Variants in NFATC3 observed in about 807,000 individuals in gnomAD.
NFATC3 encodes the protein nuclear factor of activated T-cells, cytoplasmic 3.
NFATC3 carries 46 observed loss-of-function variants against 98.6 expected under a neutral mutation model. The ratio of observed to expected loss-of-function variants is 0.47; its 90% CI spans 0.37 to 0.60. The LOEUF is 0.60. Among genes scored for constraint, NFATC3 ranks in the 20% least tolerant of loss-of-function variants. The pLI, the probability that NFATC3 is intolerant of heterozygous loss-of-function variation, is 0.00. For missense variants in NFATC3, 1,256 were observed against 1,295.5 expected (o/e 0.97, Z 0.47); for synonymous variants, 512 against 472.2 (o/e 1.08, Z -1.09).
At chr16:68,185,110 C>G (rs2040127674) in intron 8 of NFATC3, among the ~76,000 whole-genome samples, 2 of 152,008 alleles carry the variant, frequency 1.3e-5, no homozygotes, top group African/African-American at 2.4e-5. Flanking sequence ...GCCTCAGCCT[C>G]CCAAGTAGCT....
intron 3 of NFATC3, among the ~76,000 whole-genome samples, chr16:68,135,178 G>T (rs1046890342): frequency 6.6e-6 from 1 of 152,072 alleles, no homozygotes; most frequent in Non-Finnish European, 1.5e-5. Flanking sequence ...CTGAACTGTG[G>T]CCGGGCGCGG....
rs779933179 is a variant in NFATC3, at chr16:68,122,626, G to A, written c.743G>A (p.Ser248Asn). ...RQSPCHSPRS[S>N]VTDENWLSPR... ...TCTCCTTGCCACTCTCCTAGATCCA[G>A]TGTCACTGATGAGAATTGGCTGAGC... Residue 248 changes from serine to asparagine, a missense_variant, in exon 2 of 10, where the codon AGT (serine) becomes AAT (asparagine). This residue lies in a region of NFATC3 where 464 missense variants were observed against 465.7 expected (regional missense o/e 1.00). Transcript: ENST00000346183. 8.1e-6 allele frequency: 13 copies of A among 1,614,132 alleles called. No homozygotes were observed. The South Asian group carries it at 1.4e-4, about 18-fold the overall frequency.
intron 3 of NFATC3, among the ~76,000 whole-genome samples, chr16:68,139,609 A>G (rs1001518997): frequency 6.6e-6 from 1 of 152,236 alleles, no homozygotes; most frequent in Non-Finnish European, 1.5e-5. Flanking sequence ...TCTGAAATAC[A>G]TATTTTTTGA....
intron 6 of NFATC3, among the ~76,000 whole-genome samples, chr16:68,178,312 C>T (rs1374593589): frequency 6.6e-6 from 1 of 152,194 alleles, no homozygotes; most frequent in Non-Finnish European, 1.5e-5. Context: ...AGCATCTTCT[C>T]TTTGAGCTGG....
chr16:68,181,783 C>T (rs2151626333), intron 7 of NFATC3, among the ~76,000 whole-genome samples: 1 of 152,086 alleles, frequency 6.6e-6, no homozygotes, highest in African/African-American at 2.4e-5. Flanking sequence ...AAAAATTAGC[C>T]ATGCGTGGTG....
At chr16:68,105,422 GTATAT>G (rs1169077592) in intron 1 of NFATC3, among the ~76,000 whole-genome samples, 11 of 151,960 alleles carry the variant, frequency 7.2e-5, no homozygotes, top group Admixed American at 6.6e-5. Context: ...TATTAATATG[GTATAT>G]TATATCAGTT....
chr16:68,225,708 A>G (rs1437133214), intron 9 of NFATC3: 1 of 152,250 alleles, frequency 6.6e-6, no homozygotes, highest in Non-Finnish European at 1.5e-5. Flanking sequence ...AAGGCAAGGA[A>G]TGAAATGATG....
rs368147269 is a variant in NFATC3 at position 68,174,521 on chromosome 16, A to G, written c.1915+7A>G. ...TTTCTTGAAAAAGGACAAGGTAAGTAATATATGAGTTGATTGACTTCAAAC... is the reference window on the plus strand; with the variant it reads ...TTTCTTGAAAAAGGACAAGGTAAGTGATATATGAGTTGATTGACTTCAAAC... On this transcript the variant is annotated splice_region_variant and intron_variant, in intron 6 of 9. Coordinates refer to ENST00000346183, the MANE Select transcript of NFATC3 (RefSeq NM_173165.3). The G allele has an allele frequency of 6.3e-7, 1 of 1,582,064 alleles. No homozygotes were observed. Among genetic ancestry groups the G allele is most frequent in the African/African-American group, 1.4e-5 (1 of 73,764 alleles).
chr16:68,217,689 T>A, intron 9 of NFATC3: 2 of 1,231,606 alleles, frequency 1.6e-6, no homozygotes, highest in Non-Finnish European at 2.0e-6. Context: ...CCTTTCAATT[T>A]GTTGTTCCTC....
intron 1 of NFATC3, among the ~76,000 whole-genome samples, chr16:68,092,459 AAAAAAAATAAATAAAT>A (rs2034770361): frequency 6.7e-6 from 1 of 149,222 alleles, no homozygotes; most frequent in Non-Finnish European, 1.5e-5. Flanking sequence ...TCTCAAAAAA[AAAAAAAATAAATAAAT>A]AAAAGGCTGG....
rs183108296 is a variant in NFATC3, at chr16:68,159,093, G to C, written c.1601+1025G>C. On this transcript the variant is annotated intron_variant, in intron 4 of 9. Transcript: ENST00000346183. ...CTAAAATTACAGAAATTAGCCGAGT[G>C]CGGTTGCGCCTGTCTGTAGTCCCAG... 5.3e-5 allele frequency among the ~76,000 whole-genome samples: 8 copies of C among 152,302 alleles called. No individual in the cohort carries two copies. The East Asian group carries it at 1.2e-3, about 22-fold the overall frequency.
At chr16:68,088,275 G>C (rs900850425) in intron 1 of NFATC3, among the ~76,000 whole-genome samples, 7 of 149,460 alleles carry the variant, frequency 4.7e-5, no homozygotes, top group Admixed American at 1.3e-4. Flanking sequence ...ATCTTTTTCA[G>C]TTATATTATC....
intron 9 of NFATC3, among the ~76,000 whole-genome samples, chr16:68,201,679 A>C (rs2040921959): frequency 2.0e-5 from 3 of 151,354 alleles, no homozygotes; most frequent in Non-Finnish European, 4.4e-5. Flanking sequence ...GGCCAGACAC[A>C]GTGGCTCATG....
chr16:68,120,494 G>T (rs554412071), intron 1 of NFATC3, among the ~76,000 whole-genome samples: 1 of 149,662 alleles, frequency 6.7e-6, no homozygotes, highest in South Asian at 2.1e-4. Context: ...CTTGAGAATC[G>T]CCTGAACTTC....
intron 3 of NFATC3, among the ~76,000 whole-genome samples, chr16:68,155,502 T>A (rs2038560774): frequency 6.6e-6 from 1 of 152,108 alleles, no homozygotes; most frequent in Non-Finnish European, 1.5e-5. Flanking sequence ...GATTAAAAAA[T>A]TATCAGCCAG....
At chr16:68,191,970 A>T (rs2040426083) in intron 9 of NFATC3, 195 bp downstream of exon 9, 5 of 582,698 alleles carry the variant, frequency 8.6e-6, no homozygotes, top group Non-Finnish European at 1.5e-5. Context: ...GCACTTTGGA[A>T]GGCTGAGGCG....
Position 68,122,324 on chromosome 16 carries a change from T to G in NFATC3, c.441T>G (p.Asp147Glu). The G allele has an allele frequency of 6.2e-7, 1 of 1,614,120 alleles. No homozygotes were observed. Among genetic ancestry groups the G allele is most frequent in the Non-Finnish European group, 8.5e-7 (1 of 1,180,016 alleles). Residue 147 changes from aspartate to glutamate, a missense_variant, in exon 2 of 10, where the codon GAT becomes GAG. Transcript: ENST00000346183. ...AATTTTTGGAAAGGCCTTCTAGAGA[T>G]CATCTCTATCTTCCTCTTGAGCCAT... is the stretch of plus-strand genomic sequence containing the variant. ...EREFLERPSR[D>E]HLYLPLEPSY...
rs371500276 is a variant in NFATC3 at position 68,122,449 on chromosome 16, A to G, written c.566A>G (p.Tyr189Cys). 126 of 1,613,960 alleles carry G rather than the reference A, an allele frequency of 7.8e-5. No homozygotes were observed. Among genetic ancestry groups the G allele is most frequent in the Non-Finnish European group, 1.1e-4 (124 of 1,180,026 alleles). Reference protein sequence around the residue: ...ASSCESLSHIYDDVDSELNEA... With the variant: ...ASSCESLSHICDDVDSELNEA... ...TCTTGTGAATCGCTTTCACATATTT[A>G]TGATGATGTGGACTCAGAGTTGAAT... Residue 189 changes from tyrosine to cysteine, a missense_variant, in exon 2 of 10, where the codon TAT (tyrosine) becomes TGT (cysteine). Physicochemically the swap from Tyr to Cys is radical, Grantham distance 194 (BLOSUM62 -2). This residue lies in a region of NFATC3 where 464 missense variants were observed against 465.7 expected (regional missense o/e 1.00). Coordinates refer to ENST00000346183, the MANE Select transcript of NFATC3 (RefSeq NM_173165.3).
At chr16:68,219,416 G>T (rs1226443959) in intron 9 of NFATC3, among the ~76,000 whole-genome samples, 6 of 151,916 alleles carry the variant, frequency 3.9e-5, no homozygotes. Context: ...AAATAAATTA[G>T]CTGGTCTTGG....
Sources: gnomAD v4.1 joint callset for allele counts (sites outside exome capture counted in the v4.1 genomes callset) on GRCh38, gnomAD v4.1.1 for gene constraint, gnomAD v4.1.1 regional missense constraint, MANE v1.5 for transcripts, NCBI Gene and HGNC (gene_info 2026-07-23, HGNC 2026-07-21) for gene names.